Variants in LAMC2 observed in about 807,000 individuals in gnomAD.
LAMC2 encodes laminin subunit gamma 2.
A neutral mutation model predicts 140.2 loss-of-function variants in LAMC2; 97 were observed. The ratio of observed to expected loss-of-function variants is 0.69; its 90% CI spans 0.59 to 0.82. The LOEUF (loss-of-function observed/expected upper bound fraction) is 0.82, where lower values mean the gene tolerates loss of function less well. Ranked by LOEUF, LAMC2 falls within the 40% of genes least tolerant of loss-of-function variation. LAMC2 has a pLI of 0.00. For synonymous variants in LAMC2, 513 were observed against 540.2 expected (o/e 0.95, Z 0.70); for missense variants, 1,402 against 1,476.1 (o/e 0.95, Z 0.82).
chr1:183,199,107 T>C (rs1016544516), intron 1 of LAMC2, among the ~76,000 whole-genome samples: 5 of 136,194 alleles, frequency 3.7e-5, no homozygotes, highest in Non-Finnish European at 4.8e-5. Context: ...CTTTTTTTTT[T>C]TTTTTTTTTT....
Position 183,222,202 on chromosome 1 carries a change from G to A in LAMC2, c.754G>A (p.Val252Met). The change falls in exon 6 of 23, where the codon GTG becomes ATG. Residue 252 changes from valine (V) to methionine (M), a missense_variant. By Grantham distance (21) the Val-to-Met change is conservative (BLOSUM62 1). Coordinates refer to ENST00000264144, the MANE Select transcript of LAMC2 (RefSeq NM_005562.3). ...CCAACGACTAGACCCTGTCTATTTTGTGGCTCCTGGTATGTGAGGAATAAT... is the reference window on the plus strand; with the variant it reads ...CCAACGACTAGACCCTGTCTATTTTATGGCTCCTGGTATGTGAGGAATAAT... The part of the protein sequence containing the change: ...SAQRLDPVYF[V>M]APAKFLGNQQ... 9 of 1,614,124 alleles carry A rather than the reference G, an allele frequency of 5.6e-6. No homozygotes were observed. Among genetic ancestry groups the A allele is most frequent in the Non-Finnish European group, 7.6e-6 (9 of 1,179,976 alleles).
In LAMC2 at chr1:183,223,327, A is replaced by T. The variant is rs2102224549; in HGVS notation, c.953+3A>T. On this transcript the variant is annotated splice_donor_region_variant and intron_variant, in intron 7 of 22. Transcript: ENST00000264144. Reference sequence around the variant, plus strand: ...CTCACCAAGACTTACACATTCAGGTAAAAAGAGAGACCATAAGTAGGTCAA... The same window carrying T: ...CTCACCAAGACTTACACATTCAGGTTAAAAGAGAGACCATAAGTAGGTCAA... The T allele has an allele frequency of 6.2e-7, 1 of 1,613,922 alleles. No homozygotes were observed. The highest frequency in any genetic ancestry group is 8.5e-7 in the Non-Finnish European group (1 of 1,179,822).
At chr1:183,222,299 C>G in intron 6 of LAMC2, 88 bp downstream of exon 6, 1 of 1,466,080 alleles carries the variant, frequency 6.8e-7, no homozygotes, top group South Asian at 1.1e-5. Context: ...TTGTGGAAAC[C>G]ATATAACTTT....
At chr1:183,208,472 C>T (rs2102197724) in intron 2 of LAMC2, among the ~76,000 whole-genome samples, 2 of 152,258 alleles carry the variant, frequency 1.3e-5, no homozygotes, top group East Asian at 3.9e-4. Flanking sequence ...TCCATTTGAC[C>T]AACCTCTTGA....
downstream of LAMC2, among the ~76,000 whole-genome samples, chr1:183,247,547 T>C (rs1210375108): frequency 7.5e-6 from 1 of 133,498 alleles, no homozygotes; most frequent in Non-Finnish European, 1.6e-5. Context: ...AAAAAAAAGA[T>C]AAAAGAAAAA....
At chr1:183,198,199 T>TGG (rs1201253147) in intron 1 of LAMC2, among the ~76,000 whole-genome samples, 1 of 150,524 alleles carries the variant, frequency 6.6e-6, no homozygotes, top group East Asian at 1.9e-4. Flanking sequence ...TGGAGTGCAG[T>TGG]TTCGTGATCT....
At chr1:183,240,659 A>G in intron 22 of LAMC2, 2 of 1,364,956 alleles carry the variant, frequency 1.5e-6, no homozygotes, top group Non-Finnish European at 1.9e-6. Context: ...TATATAAGCA[A>G]CTTCACAGAA....
chr1:183,187,502 C>CAA lies in LAMC2; in HGVS notation c.79+1084_79+1085dup, dbSNP rs11386933. On this transcript the variant is annotated intron_variant, in intron 1 of 22. Coordinates refer to ENST00000264144, the MANE Select transcript of LAMC2 (RefSeq NM_005562.3). Reference sequence around the variant, plus strand: ...TTTCAAAACCATGTATGATTGCCACCAAAAAAAAAAAAAAGGTGGAGATAA... The same window carrying CAA: ...TTTCAAAACCATGTATGATTGCCACCAAAAAAAAAAAAAAAAGGTGGAGATAA... 1.4e-3 allele frequency among the ~76,000 whole-genome samples: 171 copies of CAA among 126,210 alleles called. 3 individuals carry two copies. The highest frequency in any genetic ancestry group is 9.1e-3 in the South Asian group (38 of 4,176). The allele number at this position is 126,210 out of a possible 152,430, so 82.8% of individuals were successfully genotyped here.
At chr1:183,257,405 C>A in the LAMC2 span, among the ~76,000 whole-genome samples, 1 of 152,138 alleles carries the variant, frequency 6.6e-6, no homozygotes, top group Non-Finnish European at 1.5e-5. Context: ...CACGCTATTG[C>A]ACTCCAGCCT....
At chr1:183,245,449 A>G (rs915217690), downstream of LAMC2, among the ~76,000 whole-genome samples, 5 of 152,194 alleles carry the variant, frequency 3.3e-5, no homozygotes, top group Non-Finnish European at 7.3e-5. Context: ...ACCAGTGCCC[A>G]GACTCCACAG....
intron 20 of LAMC2, 45 bp from the exon 21 acceptor site, chr1:183,239,995 C>T: frequency 6.2e-7 from 1 of 1,610,738 alleles, no homozygotes; most frequent in South Asian, 1.1e-5. Flanking sequence ...TTTTGTGCCT[C>T]ACCCCTATCT....
At chr1:183,242,475 C>A (rs1660156891) in intron 22 of LAMC2, among the ~76,000 whole-genome samples, 1 of 152,182 alleles carries the variant, frequency 6.6e-6, no homozygotes, top group Non-Finnish European at 1.5e-5. Flanking sequence ...TGGGTCTGGC[C>A]AGGTACCCTT....
At chr1:183,194,341 G>T (rs1057079343) in intron 1 of LAMC2, among the ~76,000 whole-genome samples, 24 of 150,556 alleles carry the variant, frequency 1.6e-4, no homozygotes, top group African/African-American at 5.9e-4. Flanking sequence ...AATTACCATT[G>T]TTCTTTTGTG....
At position 183,243,521 on chromosome 1, in the gene LAMC2, C is replaced by T; in HGVS notation, c.*121C>T. ...ACATGTTTAATGGGTATGCTCAGGTCAACTGACCTGACCCCATTCCTGATC... is the reference window on the plus strand; with the variant it reads ...ACATGTTTAATGGGTATGCTCAGGTTAACTGACCTGACCCCATTCCTGATC... On this transcript the variant is annotated 3_prime_UTR_variant, in exon 23 of 23. Coordinates refer to ENST00000264144, the MANE Select transcript of LAMC2 (RefSeq NM_005562.3). 11 of 1,254,736 alleles carry T rather than the reference C, an allele frequency of 8.8e-6. No homozygotes were observed. The highest frequency in any genetic ancestry group is 1.3e-5 in the Non-Finnish European group (11 of 864,536). The allele number at this position is 1,254,736 out of a possible 1,614,324, so 77.7% of individuals were successfully genotyped here.
the LAMC2 span, chr1:183,250,387 C>T: frequency 2.0e-5 from 3 of 152,200 alleles, no homozygotes; most frequent in African/African-American, 7.2e-5. Flanking sequence ...ACTATCACAC[C>T]CTCCCCTGGG....
In LAMC2 at chr1:183,235,702, G is replaced by A. The variant is rs757795531; in HGVS notation, c.2428G>A (p.Gly810Ser). The A allele has an allele frequency of 3.1e-6, 5 of 1,614,048 alleles. No individual in the cohort carries two copies. Among genetic ancestry groups the A allele is most frequent in the South Asian group, 2.2e-5 (2 of 91,084 alleles). Residue 810 changes from glycine (G) to serine (S), a missense_variant, in exon 16 of 23, where the codon GGT becomes AGT. Gly to Ser is a moderately conservative substitution (Grantham distance 56). Around this residue, in one of 3 missense-constraint regions of LAMC2, gnomAD observed 670 missense variants for 667.2 expected, o/e 1.00. Transcript: ENST00000264144. Reference protein sequence around the residue: ...GVGSGSGSPDGAVVQGLVEKL... With the variant: ...GVGSGSGSPDSAVVQGLVEKL... ...CGGAAGCGGAAGCGGTAGCCCGGACGGTGCTGTGGTGCAAGGGCTTGTGGA... is the reference window on the plus strand; with the variant it reads ...CGGAAGCGGAAGCGGTAGCCCGGACAGTGCTGTGGTGCAAGGGCTTGTGGA...
chr1:183,254,240 C>T, the LAMC2 span, among the ~76,000 whole-genome samples: 2 of 152,120 alleles, frequency 1.3e-5, no homozygotes, highest in African/African-American at 2.4e-5. Context: ...ACACCCTCAT[C>T]GACATTTGTT....
Position 183,234,279 on chromosome 1 carries a change from C to T in LAMC2, c.2221-88C>T, listed in dbSNP as rs1659885709. On this transcript the variant is annotated intron_variant, in intron 14 of 22. Coordinates refer to ENST00000264144, the MANE Select transcript of LAMC2 (RefSeq NM_005562.3). ...CCTGTGTGGCTAATGACAAGTGGTT[C>T]TGACAGGACAGATGCACCTGCTTAA... 5.3e-6 allele frequency: 5 copies of T among 936,092 alleles called. 1 individual carries two copies. In the South Asian group the frequency reaches 6.8e-5, roughly 13 times the overall value. 58.0% of individuals were successfully genotyped at this position (936,092 alleles called of 1,614,324 possible).
chr1:183,224,162 T>C (rs1659558836), intron 7 of LAMC2, among the ~76,000 whole-genome samples: 1 of 151,990 alleles, frequency 6.6e-6, no homozygotes, highest in African/African-American at 2.4e-5. Flanking sequence ...AGGCAATGTG[T>C]GGTCTAAGAA....
Sources: allele counts gnomAD v4.1 joint callset (sites outside exome capture counted in the v4.1 genomes callset), GRCh38; gene constraint gnomAD v4.1.1; regional missense constraint gnomAD v4.1.1; transcripts MANE v1.5; gene names NCBI Gene and HGNC (gene_info 2026-07-23, HGNC 2026-07-21).